SH3D19: variants seen among roughly 807,000 people sequenced by gnomAD.
The protein encoded by SH3D19 is SH3 domain containing 19, also known as SH3 domain-containing protein 19.
A neutral mutation model predicts 112.1 loss-of-function variants in SH3D19; 58 were observed. That is an observed-to-expected ratio of 0.52 (90% CI 0.42 to 0.64). The LOEUF is 0.64. Among genes scored for constraint, SH3D19 ranks in the 30% least tolerant of loss-of-function variants. The pLI is 0.00. For synonymous variants in SH3D19, 391 were observed against 448.5 expected, an observed-to-expected ratio of 0.87 and a Z score of 1.62; for missense variants, 1,090 against 1,263.4, an observed-to-expected ratio of 0.86 and a Z score of 2.08.
intron 11 of SH3D19, among the ~76,000 whole-genome samples, 199 bp downstream of exon 11, chr4:151,147,723 G>A (rs549561621): frequency 1.3e-5 from 2 of 152,250 alleles, no homozygotes; most frequent in South Asian, 2.1e-4. Context: ...TCAGCTTCCC[G>A]AAGTGCTGGG....
At chr4:151,309,097 G>A (rs574294600) in intron 1 of SH3D19, among the ~76,000 whole-genome samples, 18 of 152,188 alleles carry the variant, frequency 1.2e-4, no homozygotes, top group Admixed American at 5.9e-4. Flanking sequence ...TTGAACTCCT[G>A]ACCTCAAGTG....
intron 1 of SH3D19, among the ~76,000 whole-genome samples, chr4:151,236,443 G>T (rs1242051914): frequency 6.6e-6 from 1 of 152,282 alleles, no homozygotes; most frequent in Non-Finnish European, 1.5e-5. Flanking sequence ...GGTGAAGCCA[G>T]CTGGGCTTCT....
intron 2 of SH3D19, among the ~76,000 whole-genome samples, chr4:151,225,165 A>G (rs996819708): frequency 6.6e-6 from 1 of 152,196 alleles, no homozygotes; most frequent in African/African-American, 2.4e-5. Context: ...CTAGGGTTTG[A>G]TCTCTTGAAA....
intron 11 of SH3D19, among the ~76,000 whole-genome samples, chr4:151,144,736 A>G (rs749423953): frequency 4.6e-5 from 7 of 152,244 alleles, no homozygotes; most frequent in Middle Eastern, 3.4e-3. Flanking sequence ...CTCTTCTCCT[A>G]GAGTCTCTCT....
intron 1 of SH3D19, chr4:151,227,796 A>T: frequency 2.0e-6 from 2 of 985,496 alleles, no homozygotes; most frequent in Non-Finnish European, 2.4e-6. Flanking sequence ...TGTCCAGAAC[A>T]TCATTTCCTG....
intron 2 of SH3D19, among the ~76,000 whole-genome samples, chr4:151,188,180 G>A (rs1224449262): frequency 6.6e-6 from 1 of 152,020 alleles, no homozygotes; most frequent in African/African-American, 2.4e-5. Context: ...CCCATTTTGT[G>A]GTATTATAGG....
At chr4:151,264,427 C>A (rs1221326251) in intron 1 of SH3D19, among the ~76,000 whole-genome samples, 492 of 105,964 alleles carry the variant, frequency 4.6e-3, no homozygotes, top group East Asian at 7.5e-3. Context: ...GACTCTGTCT[C>A]AAAAAAAAAA....
intron 3 of SH3D19, among the ~76,000 whole-genome samples, chr4:151,184,305 A>G (rs142593682): frequency 7.9e-5 from 12 of 152,264 alleles, no homozygotes; most frequent in Non-Finnish European, 1.3e-4. Context: ...TAACACACAC[A>G]TTTTAATGGG....
At position 151,227,898 on chromosome 4, in the gene SH3D19, G is replaced by A. The variant is rs544419303; in HGVS notation, c.113-1812C>T. 13 of 985,370 alleles carry A rather than the reference G, an allele frequency of 1.3e-5. No individual in the cohort carries two copies. In the African/African-American group the frequency reaches 2.3e-4, roughly 17 times the overall value. 61.0% of individuals were successfully genotyped at this position (985,370 alleles called of 1,614,324 possible). On this transcript the variant is annotated intron_variant, in intron 1 of 19. Coordinates refer to ENST00000604030, the MANE Select transcript of SH3D19 (RefSeq NM_001378122.1). The stretch of plus-strand genomic sequence containing the variant: ...AGTGGTACAACACACAAGAGGAAGG[G>A]AGAAACAGAGTCACGATGCATGTAA...
chr4:151,271,368 G>C (rs1476774311), intron 1 of SH3D19, among the ~76,000 whole-genome samples: 1 of 152,172 alleles, frequency 6.6e-6, no homozygotes, highest in Non-Finnish European at 1.5e-5. Context: ...TACAAAACTT[G>C]CAAATCTATT....
chr4:151,126,836 T>C (rs1166816017), intron 19 of SH3D19, among the ~76,000 whole-genome samples: 1 of 147,620 alleles, frequency 6.8e-6, no homozygotes, highest in East Asian at 2.0e-4. Flanking sequence ...AAATATCTAC[T>C]TTTACTTTAA....
intron 1 of SH3D19, among the ~76,000 whole-genome samples, chr4:151,292,547 T>G (rs1398242887): frequency 6.6e-6 from 1 of 152,208 alleles, no homozygotes; most frequent in African/African-American, 2.4e-5. Context: ...AAGAGCATTA[T>G]ATCCCATGCT....
intron 9 of SH3D19, 45 bp from the exon 10 acceptor site, chr4:151,149,606 C>A (rs1393203110): frequency 5.8e-6 from 9 of 1,560,870 alleles, no homozygotes; most frequent in South Asian, 1.2e-5. Flanking sequence ...TAATCTGAAA[C>A]AAGAACTTGT....
intron 1 of SH3D19, among the ~76,000 whole-genome samples, chr4:151,301,269 C>T (rs1580447839): frequency 6.6e-6 from 1 of 152,252 alleles, no homozygotes; most frequent in East Asian, 1.9e-4. Context: ...CTCTTGTTGC[C>T]CAGGCTGGAG....
intron 1 of SH3D19, among the ~76,000 whole-genome samples, chr4:151,312,048 CA>C (rs553564689): frequency 9.6e-4 from 143 of 149,198 alleles, no homozygotes; most frequent in African/African-American, 3.1e-3. Flanking sequence ...CTATAAGAAA[CA>C]AAAAAAAAGG....
chr4:151,213,669 T>TG (rs1766350235), intron 2 of SH3D19, among the ~76,000 whole-genome samples: 1 of 146,752 alleles, frequency 6.8e-6, no homozygotes, highest in Non-Finnish European at 1.5e-5. Context: ...ATAATATGAA[T>TG]TAATTAATTA....
intron 1 of SH3D19, among the ~76,000 whole-genome samples, chr4:151,293,938 C>T (rs1459134272): frequency 5.3e-5 from 8 of 152,210 alleles, no homozygotes; most frequent in Non-Finnish European, 1.2e-4. Flanking sequence ...CTAGTTAATT[C>T]TTACTGTGCC....
chr4:151,219,610 G>T (rs550815663), intron 2 of SH3D19, among the ~76,000 whole-genome samples: 6 of 152,310 alleles, frequency 3.9e-5, no homozygotes, highest in Non-Finnish European at 8.8e-5. Flanking sequence ...GCAAGGTGAA[G>T]AATCTTTTCA....
At chr4:151,172,799 T>C (rs1759306161) in intron 7 of SH3D19, among the ~76,000 whole-genome samples, 2 of 152,332 alleles carry the variant, frequency 1.3e-5, no homozygotes, top group Non-Finnish European at 2.9e-5. Context: ...GGATGATCTC[T>C]GGGTTTCTCC....
Sources: allele counts gnomAD v4.1 joint callset (sites outside exome capture counted in the v4.1 genomes callset), GRCh38; gene constraint gnomAD v4.1.1; transcripts MANE v1.5; gene names NCBI Gene and HGNC (gene_info 2026-07-23, HGNC 2026-07-21).